CR1L: variants seen among roughly 807,000 people sequenced by gnomAD.
The protein encoded by CR1L is complement component receptor 1-like protein.
CR1L carries 59 observed loss-of-function variants against 62.3 expected under a neutral mutation model. The observed-to-expected ratio is 0.95, with a 90% CI of 0.77 to 1.18. The LOEUF (loss-of-function observed/expected upper bound fraction) is 1.18. Among genes scored for constraint, CR1L ranks in the 50% most tolerant of loss-of-function variants. CR1L has a pLI of 0.00. For synonymous variants in CR1L, 279 were observed against 248.7 expected (o/e 1.12, Z -1.15); for missense variants, 700 against 702.8 (o/e 1.00, Z 0.04).
Position 207,665,122 on chromosome 1 carries a change from C to T in CR1L, c.98-12267C>T, listed in dbSNP as rs375440451. On this transcript the variant is annotated intron_variant, in intron 1 of 11. Transcript: ENST00000508064. Reference sequence around the variant, plus strand: ...AGGCTGGAGTGCAGTGGCATGATCTCGGCTCACTGCAAGCTCTGCCTCCCG... The same window carrying T: ...AGGCTGGAGTGCAGTGGCATGATCTTGGCTCACTGCAAGCTCTGCCTCCCG... 4.0e-3 allele frequency among the ~76,000 whole-genome samples: 601 copies of T among 152,142 alleles called. 2 individuals are homozygous for T. Among genetic ancestry groups the T allele is most frequent in the African/African-American group, 0.013 (560 of 41,514 alleles).
chr1:207,673,821 C>T (rs927370248), intron 1 of CR1L, among the ~76,000 whole-genome samples: 2 of 152,092 alleles, frequency 1.3e-5, no homozygotes, highest in Non-Finnish European at 2.9e-5. Flanking sequence ...TAGGTTTTTA[C>T]CCAAGAGAAA....
At position 207,720,563 on chromosome 1, in the gene CR1L, C is replaced by T. The variant is rs565607642; in HGVS notation, c.1642+2872C>T. Among the ~76,000 whole-genome samples the T allele has an allele frequency of 2.0e-5, 3 of 152,252 alleles. No individual in the cohort carries two copies. In the South Asian group the frequency reaches 6.2e-4, roughly 32 times the overall value. On this transcript the variant is annotated intron_variant, in intron 11 of 11. Coordinates refer to ENST00000508064, the MANE Select transcript of CR1L (RefSeq NM_175710.2). ...GAATATCTTGGGATACTCAGATCCC[C>T]TATCTCCCCATTTCAATGGCCCAGT...
chr1:207,708,151 C>A (rs758252608), intron 9 of CR1L, 27 bp from the exon 10 acceptor site: 4 of 1,605,492 alleles, frequency 2.5e-6, no homozygotes, highest in Non-Finnish European at 3.4e-6. Flanking sequence ...ATGTACAGCA[C>A]AATTATTTTC....
intron 4 of CR1L, among the ~76,000 whole-genome samples, chr1:207,693,936 T>C (rs982862463): frequency 1.3e-5 from 2 of 152,198 alleles, no homozygotes; most frequent in African/African-American, 2.4e-5. Flanking sequence ...CTTTTCCTAC[T>C]GTGTATATTT....
intron 9 of CR1L, among the ~76,000 whole-genome samples, chr1:207,707,785 T>TACACACACACACACACACACAC (rs10523807): frequency 1.4e-3 from 173 of 126,686 alleles, no homozygotes; most frequent in Non-Finnish European, 2.2e-3. Flanking sequence ...GGCATAGTAT[T>TACACACACACACACACACACAC]ACACACACAC....
chr1:207,698,977 G>A (rs1446252312), intron 7 of CR1L, among the ~76,000 whole-genome samples: 2 of 152,146 alleles, frequency 1.3e-5, no homozygotes, highest in African/African-American at 4.8e-5. Flanking sequence ...ATTCAAGCAG[G>A]ACTATCATGT....
intron 3 of CR1L, among the ~76,000 whole-genome samples, chr1:207,680,482 T>C (rs1663778080): frequency 6.6e-6 from 1 of 152,190 alleles, no homozygotes; most frequent in African/African-American, 2.4e-5. Context: ...AAAGTGTACC[T>C]GGGATCTTTC....
chr1:207,703,583 T>A (rs1664225361), intron 9 of CR1L, among the ~76,000 whole-genome samples: 1 of 152,222 alleles, frequency 6.6e-6, no homozygotes, highest in South Asian at 2.1e-4. Context: ...GACAAGGAGA[T>A]GCATGTAGTT....
At chr1:207,696,449 T>C (rs1339065507) in intron 5 of CR1L, among the ~76,000 whole-genome samples, 1 of 152,206 alleles carries the variant, frequency 6.6e-6, no homozygotes, top group Non-Finnish European at 1.5e-5. Flanking sequence ...AGGTTTCCAT[T>C]GCTAGCAGCC....
At chr1:207,723,540 T>C (rs1484001312) in intron 11 of CR1L, 78 bp from the exon 12 acceptor site, 5 of 1,214,504 alleles carry the variant, frequency 4.1e-6, no homozygotes, top group Non-Finnish European at 5.8e-6. Context: ...TCAGGATAAA[T>C]TGTCACTGGC....
chr1:207,683,840 A>G (rs758625006), intron 3 of CR1L, 32 bp from the exon 4 acceptor site: 1 of 1,590,038 alleles, frequency 6.3e-7, no homozygotes, highest in Admixed American at 1.7e-5. Flanking sequence ...CTGTGTATTT[A>G]GAATGTAACA....
At chr1:207,675,691 C>A (rs1663679768) in intron 1 of CR1L, among the ~76,000 whole-genome samples, 1 of 152,218 alleles carries the variant, frequency 6.6e-6, no homozygotes, top group African/African-American at 2.4e-5. Context: ...TGGGAAGGAA[C>A]AGAAATGAAA....
At chr1:207,696,253 T>C (rs1020116508) in intron 5 of CR1L, among the ~76,000 whole-genome samples, 1 of 152,204 alleles carries the variant, frequency 6.6e-6, no homozygotes, top group Non-Finnish European at 1.5e-5. Context: ...GCCAAAGTCA[T>C]TGGCATCGCT....
At position 207,678,928 on chromosome 1, in the gene CR1L, C is replaced by T. The variant is rs143239272; in HGVS notation, c.377+631C>T. Among the ~76,000 whole-genome samples the T allele has an allele frequency of 4.3e-3, 651 of 152,028 alleles. 2 individuals carry two copies. The highest frequency in any genetic ancestry group is 0.015 in the African/African-American group (622 of 41,456). ...TCTGTCTCTGTCTGTCCTCACATGG[C>T]TGTCTTCCCTCTGGGTCTCTGTCCT... On this transcript the variant is annotated intron_variant, in intron 3 of 11. Transcript: ENST00000508064.
chr1:207,715,297 T>A, intron 10 of CR1L: 1 of 1,527,496 alleles, frequency 6.5e-7, no homozygotes, highest in Non-Finnish European at 9.0e-7. Flanking sequence ...TGCTACCACT[T>A]TTTTTTTTCT....
At chr1:207,677,720 T>G (rs1663720081) in intron 2 of CR1L, among the ~76,000 whole-genome samples, 152 bp downstream of exon 2, 1 of 152,244 alleles carries the variant, frequency 6.6e-6, no homozygotes, top group South Asian at 2.1e-4. Flanking sequence ...CATACCTTGT[T>G]ACTGCTTTGA....
rs565504193 is a variant in CR1L, at chr1:207,670,903, A to T, written c.98-6486A>T. On this transcript the variant is annotated intron_variant, in intron 1 of 11. Transcript: ENST00000508064. ...ACCTAGAAATTTTGTTGCTGGAGTA[A>T]TTTCAATTTTAAAATGCTTATGGAT... 4.6e-5 allele frequency among the ~76,000 whole-genome samples: 7 copies of T among 151,292 alleles called. No individual in the cohort carries two copies. In the East Asian group the frequency reaches 1.2e-3, roughly 25 times the overall value.
Position 207,678,263 on chromosome 1 carries a change from T to C in CR1L, c.343T>C (p.Phe115Leu), listed in dbSNP as rs781010259. The C allele has an allele frequency of 6.2e-7, 1 of 1,613,654 alleles. No individual in the cohort carries two copies. The highest frequency in any genetic ancestry group is 2.2e-5 in the East Asian group (1 of 44,882). Reference sequence around the variant, plus strand: ...GGCACATGTGATCAAAGACATCCAGTTCAGATCCCAAATTAAATATTCTTG... The same window carrying C: ...GGCACATGTGATCAAAGACATCCAGCTCAGATCCCAAATTAAATATTCTTG... ...GMAHVIKDIQ[F>L]RSQIKYSCPK... Residue 115 changes from phenylalanine to leucine, a missense_variant, in exon 3 of 12, where the codon TTC becomes CTC. Phe to Leu is a conservative substitution (Grantham distance 22, BLOSUM62 0). Transcript: ENST00000508064.
Position 207,683,970 on chromosome 1 carries a change from A to G in CR1L, c.463+13A>G. 1.2e-6 allele frequency: 2 copies of G among 1,604,108 alleles called. No individual in the cohort carries two copies. The highest frequency in any genetic ancestry group is 1.1e-5 in the South Asian group (1 of 90,078). On this transcript the variant is annotated intron_variant, in intron 4 of 11. Transcript: ENST00000508064. ...CCTGTTTGTGACAGTGAGTTGAAAT[A>G]TGCATTCCTATTTCTTTTACCGATA... is the stretch of plus-strand genomic sequence containing the variant.
Sources: gnomAD v4.1 joint callset for allele counts (sites outside exome capture counted in the v4.1 genomes callset) on GRCh38, gnomAD v4.1.1 for gene constraint, MANE v1.5 for transcripts, NCBI Gene and HGNC (gene_info 2026-07-23, HGNC 2026-07-21) for gene names.